The following KCND2 variants were observed in gnomAD, a reference collection of about 807,000 sequenced individuals.
KCND2 encodes potassium voltage-gated channel subfamily D member 2.
Under a neutral mutation model 54.4 loss-of-function variants are expected in KCND2, and 16 were observed. The observed-to-expected ratio is 0.29, with a 90% CI of 0.20 to 0.45. KCND2 has a LOEUF of 0.45. Ranked by LOEUF, KCND2 falls within the 20% of genes least tolerant of loss-of-function variation. The pLI is 1.00. For synonymous variants in KCND2, 317 were observed against 310.7 expected (o/e 1.02, Z -0.21); for missense variants, 486 against 824.2 (o/e 0.59, Z 5.02).
chr7:120,709,478 A>T (rs954421626), intron 1 of KCND2, among the ~76,000 whole-genome samples: 2 of 152,190 alleles, frequency 1.3e-5, no homozygotes, highest in Admixed American at 1.3e-4. Flanking sequence ...AATTATGCAC[A>T]CATTAGATGA....
intron 1 of KCND2, among the ~76,000 whole-genome samples, chr7:120,468,596 G>T (rs1422629771): frequency 6.6e-6 from 1 of 152,090 alleles, no homozygotes; most frequent in African/African-American, 2.4e-5. Context: ...TTTTCTGTAG[G>T]CTATTTTTAG....
chr7:120,529,123 G>A (rs1791812606), intron 1 of KCND2, among the ~76,000 whole-genome samples: 1 of 152,114 alleles, frequency 6.6e-6, no homozygotes, highest in South Asian at 2.1e-4. Flanking sequence ...TGTTTCTCTG[G>A]GAGCATCTTG....
At chr7:120,330,469 T>C (rs1348718695) in intron 1 of KCND2, among the ~76,000 whole-genome samples, 2 of 150,392 alleles carry the variant, frequency 1.3e-5, no homozygotes, top group African/African-American at 4.9e-5. Flanking sequence ...TAATCCCAGC[T>C]ACTTGGGAGG....
At chr7:120,399,867 A>T (rs898682468) in intron 1 of KCND2, among the ~76,000 whole-genome samples, 1 of 151,938 alleles carries the variant, frequency 6.6e-6, no homozygotes, top group African/African-American at 2.4e-5. Flanking sequence ...CTGGAAGTAC[A>T]GGTGCCTGCC....
chr7:120,741,748 A>G lies in KCND2; in HGVS notation c.1374+119A>G, dbSNP rs919716916. ...TGACAATGGCTATCCAAACAACAAAAGTGTGTTTGTTTGTGTTTTTTTAAT... is the reference window on the plus strand; with the variant it reads ...TGACAATGGCTATCCAAACAACAAAGGTGTGTTTGTTTGTGTTTTTTTAAT... On this transcript the variant is annotated intron_variant, in intron 3 of 5. Transcript: ENST00000331113. The G allele has an allele frequency of 6.4e-6, 5 of 775,602 alleles. No individual in the cohort carries two copies. The African/African-American group carries it at 8.6e-5, about 13-fold the overall frequency. The allele number at this position is 775,602 out of a possible 1,614,324, so 48.0% of individuals were successfully genotyped here. A position where few individuals can be genotyped will look rare whatever the true frequency, so the allele number is the denominator to read the frequency against.
At chr7:120,732,877 A>G (rs1792824678) in intron 1 of KCND2, 26 bp from the exon 2 acceptor site, 2 of 1,586,824 alleles carry the variant, frequency 1.3e-6, no homozygotes, top group Non-Finnish European at 1.7e-6. Context: ...TTAAAACAAT[A>G]TATATATATT....
chr7:120,367,022 C>A (rs933629977), intron 1 of KCND2, among the ~76,000 whole-genome samples: 1 of 152,032 alleles, frequency 6.6e-6, no homozygotes, highest in Non-Finnish European at 1.5e-5. Flanking sequence ...TAACCACAGG[C>A]GTAGTTACAG....
intron 1 of KCND2, among the ~76,000 whole-genome samples, chr7:120,331,022 T>C (rs1368291223): frequency 6.6e-6 from 1 of 152,116 alleles, no homozygotes; most frequent in Non-Finnish European, 1.5e-5. Context: ...AAGAAAATAG[T>C]TTTTGTGTGA....
At chr7:120,714,132 T>A (rs1792574197) in intron 1 of KCND2, among the ~76,000 whole-genome samples, 1 of 152,156 alleles carries the variant, frequency 6.6e-6, no homozygotes, top group African/African-American at 2.4e-5. Flanking sequence ...ACATTTGCTA[T>A]ATAATTCAGT....
chr7:120,444,881 T>C (rs1026258329), intron 1 of KCND2, among the ~76,000 whole-genome samples: 2 of 152,142 alleles, frequency 1.3e-5, no homozygotes, highest in African/African-American at 2.4e-5. Flanking sequence ...GAAATTCATA[T>C]GGTAAAATTA....
chr7:120,314,835 G>C (rs906203358), intron 1 of KCND2, among the ~76,000 whole-genome samples: 2 of 151,990 alleles, frequency 1.3e-5, no homozygotes. Flanking sequence ...TATACAAAAT[G>C]TTATTTAAAA....
intron 1 of KCND2, among the ~76,000 whole-genome samples, chr7:120,690,311 T>C (rs1670980958): frequency 6.6e-6 from 1 of 152,220 alleles, no homozygotes; most frequent in Non-Finnish European, 1.5e-5. Flanking sequence ...CATACATACA[T>C]ACACAAAAAT....
At chr7:120,561,301 T>C (rs1387985177) in intron 1 of KCND2, among the ~76,000 whole-genome samples, 1 of 152,026 alleles carries the variant, frequency 6.6e-6, no homozygotes, top group Non-Finnish European at 1.5e-5. Flanking sequence ...GAGAGATGAG[T>C]AGAAAATATG....
chr7:120,483,205 T>C (rs1405328309), intron 1 of KCND2, among the ~76,000 whole-genome samples: 1 of 152,182 alleles, frequency 6.6e-6, no homozygotes, highest in Non-Finnish European at 1.5e-5. Context: ...TCAGAGTCTT[T>C]AAAAATAATG....
chr7:120,537,582 C>T (rs1023626951), intron 1 of KCND2, among the ~76,000 whole-genome samples: 1 of 152,208 alleles, frequency 6.6e-6, no homozygotes, highest in African/African-American at 2.4e-5. Context: ...AAGGTTGTTT[C>T]ATTTACATAG....
At chr7:120,407,006 A>G (rs1339064303) in intron 1 of KCND2, among the ~76,000 whole-genome samples, 1 of 151,936 alleles carries the variant, frequency 6.6e-6, no homozygotes, top group Non-Finnish European at 1.5e-5. Context: ...TCGGGGATGC[A>G]GTAAGGGCGT....
chr7:120,652,547 G>A (rs1376354851), intron 1 of KCND2, among the ~76,000 whole-genome samples: 3 of 152,176 alleles, frequency 2.0e-5, no homozygotes, highest in African/African-American at 7.2e-5. Flanking sequence ...AACTCATAAT[G>A]CAGAGACTGT....
intron 1 of KCND2, among the ~76,000 whole-genome samples, chr7:120,621,022 C>A (rs1584857260): frequency 6.6e-6 from 1 of 151,994 alleles, no homozygotes; most frequent in Non-Finnish European, 1.5e-5. Flanking sequence ...CACTTGTAAT[C>A]CCAGCACTTT....
chr7:120,468,051 A>G (rs1802404528), intron 1 of KCND2, among the ~76,000 whole-genome samples: 1 of 152,164 alleles, frequency 6.6e-6, no homozygotes, highest in Non-Finnish European at 1.5e-5. Context: ...TCATGAAGGT[A>G]GGCTCTGGAA....
Sources: allele counts gnomAD v4.1 joint callset (sites outside exome capture counted in the v4.1 genomes callset), GRCh38; gene constraint gnomAD v4.1.1; transcripts MANE v1.5; gene names NCBI Gene and HGNC (gene_info 2026-07-23, HGNC 2026-07-21).